Variants in BSND observed in about 807,000 individuals in gnomAD.
BSND encodes the protein barttin CLCNK type accessory subunit beta.
In BSND, 13 loss-of-function variants were observed where a neutral mutation model predicts 18.8. The observed-to-expected ratio is 0.69, with a 90% CI of 0.45 to 1.10. The LOEUF (loss-of-function observed/expected upper bound fraction) is 1.10, where lower values mean the gene tolerates loss of function less well. Among genes scored for constraint, BSND ranks in the 50% least tolerant of loss-of-function variants. The pLI is 0.00. For synonymous variants in BSND, 170 were observed against 161.8 expected (o/e 1.05, Z -0.39); for missense variants, 379 against 416.7 (o/e 0.91, Z 0.79).
rs1644436616 is a variant in BSND at position 55,014,100 on chromosome 1, G to A, written c.*5472G>A. ...TGTGTGAGTACCAGTCTCCCCACAT[G>A]GACTGGGAGGTCCTTCAAGGACAGG... is the stretch of plus-strand genomic sequence containing the variant. On this transcript the variant is annotated 3_prime_UTR_variant, in exon 4 of 4. Transcript: ENST00000651561. Among the ~76,000 whole-genome samples, 1 of 152,230 alleles carries A rather than the reference G, an allele frequency of 6.6e-6. No homozygotes were observed. Among genetic ancestry groups the A allele is most frequent in the Non-Finnish European group, 1.5e-5 (1 of 68,046 alleles).
At chr1:55,008,175 T>C (rs977790666) in intron 3 of BSND, 39 bp from the exon 4 acceptor site, 17 of 1,586,082 alleles carry the variant, frequency 1.1e-5, no homozygotes, top group Non-Finnish European at 1.5e-5. Context: ...GCATTCTGAC[T>C]CAGAGATACC....
intron 2 of BSND, among the ~76,000 whole-genome samples, chr1:55,005,856 C>T (rs939494424): frequency 6.6e-6 from 1 of 152,018 alleles, no homozygotes; most frequent in Non-Finnish European, 1.5e-5. Context: ...TGATGGAAGC[C>T]GGGCCTGCAC....
In BSND at chr1:55,006,928, G is replaced by A. The variant is rs1003931751; in HGVS notation, c.273-69G>A. ...GGAGACCACATACCCAAAGCAAACA[G>A]GGCCGGGGAGAACACTGGTGTTTGC... On this transcript the variant is annotated intron_variant, in intron 2 of 3. Transcript: ENST00000651561. The A allele has an allele frequency of 1.2e-4, 190 of 1,609,204 alleles. 1 individual carries two copies. The highest frequency in any genetic ancestry group is 1.4e-4 in the Non-Finnish European group (168 of 1,177,994).
intron 2 of BSND, among the ~76,000 whole-genome samples, chr1:55,005,452 C>T (rs1644384561): frequency 6.6e-6 from 1 of 152,218 alleles, no homozygotes; most frequent in Non-Finnish European, 1.5e-5. Context: ...AGTGCTTCTA[C>T]TACTGACAAA....
rs1395632797 is a variant in BSND at position 55,008,271 on chromosome 1, C to T, written c.606C>T (p.Asp202=). ...TGGCTTCCTTCCAAGATGACCTGGA[C>T]ATGGACTCCAGTGAAGGCAGCAGCC... The part of the protein sequence containing the change: ...APLASFQDDL[D]MDSSEGSSPN... Residue 202 remains aspartate, a synonymous_variant, in exon 4 of 4, where the codon GAC becomes GAT. Transcript: ENST00000651561. 2.5e-6 allele frequency: 4 copies of T among 1,614,098 alleles called. No homozygotes were observed. In the Admixed American group the frequency reaches 6.7e-5, roughly 27 times the overall value.
rs770790043 is a variant in BSND at position 55,010,572 on chromosome 1, C to G, written c.*1944C>G. 2 of 152,302 alleles carry G rather than the reference C, an allele frequency of 1.3e-5. No homozygotes were observed. The highest frequency in any genetic ancestry group is 4.8e-5 in the African/African-American group (2 of 41,450). 9.4% of individuals were successfully genotyped at this position (152,302 alleles called of 1,614,324 possible). A position where few individuals can be genotyped will look rare whatever the true frequency, so the allele number is the denominator to read the frequency against. On this transcript the variant is annotated 3_prime_UTR_variant, in exon 4 of 4. Transcript: ENST00000651561. ...GGTTCCCGGCCTAGGGAAGGGCTTC[C>G]GGGTTGAGGCCGGGGGTCCTGGCCT...
Position 55,012,754 on chromosome 1 carries a change from G to C in BSND, c.*4126G>C, listed in dbSNP as rs975303592. On this transcript the variant is annotated 3_prime_UTR_variant, in exon 4 of 4. Transcript: ENST00000651561. ...GTGTGCCCAGTGCTGAGAGGCAGGT[G>C]AGCCAACAGCAAGTGCAGGGACTAA... is the stretch of plus-strand genomic sequence containing the variant. 6.6e-6 allele frequency among the ~76,000 whole-genome samples: 1 copy of C among 152,196 alleles called. No individual in the cohort carries two copies. Among genetic ancestry groups the C allele is most frequent in the Non-Finnish European group, 1.5e-5 (1 of 68,036 alleles).
Position 55,014,390 on chromosome 1 carries a change from G to A in BSND, c.*5762G>A, listed in dbSNP as rs1269131436. On this transcript the variant is annotated 3_prime_UTR_variant, in exon 4 of 4. Transcript: ENST00000651561. ...CCCTCAATTTCCTTATTAATAAATTGAGGTTAGTGATATCGACCCAATAGG... is the reference window on the plus strand; with the variant it reads ...CCCTCAATTTCCTTATTAATAAATTAAGGTTAGTGATATCGACCCAATAGG... Among the ~76,000 whole-genome samples the A allele has an allele frequency of 7.2e-5, 11 of 152,238 alleles. No individual in the cohort carries two copies. The highest frequency in any genetic ancestry group is 5.2e-4 in the Admixed American group (8 of 15,284).
At position 55,008,561 on chromosome 1, in the gene BSND, T is replaced by G. The variant is rs1444393835; in HGVS notation, c.896T>G (p.Leu299Arg). 1 of 1,614,142 alleles carries G rather than the reference T, an allele frequency of 6.2e-7. No homozygotes were observed. The highest frequency in any genetic ancestry group is 8.5e-7 in the Non-Finnish European group (1 of 1,180,016). ...GAAGAGGAAGACCTGTACTATGGGC[T>G]GCCAGATGGAGCCGGGGACCTCCTC... The part of the protein sequence containing the change: ...EKEEEDLYYG[L>R]PDGAGDLLPD... Residue 299 changes from leucine to arginine, a missense_variant, in exon 4 of 4, where the codon CTG (leucine) becomes CGG (arginine). Transcript: ENST00000651561.
rs780913295 is a variant in BSND, at chr1:54,999,395, T to C, written c.177+32T>C. 1.9e-6 allele frequency: 3 copies of C among 1,590,536 alleles called. No homozygotes were observed. In the South Asian group the frequency reaches 3.4e-5, roughly 18 times the overall value. ...GGTAGTGGGGCTGGGTGGGGCCAGG[T>C]CAGCTGGGGCCAGGAGGGCTGGACA... On this transcript the variant is annotated intron_variant, in intron 1 of 3. Transcript: ENST00000651561.
intron 3 of BSND, among the ~76,000 whole-genome samples, chr1:55,007,738 C>T (rs560186262): frequency 4.8e-4 from 70 of 144,504 alleles, no homozygotes; most frequent in African/African-American, 1.8e-3. Flanking sequence ...ACTCCCATCC[C>T]TGTCTGTTTG....
chr1:55,009,142 T>C lies in BSND; in HGVS notation c.*514T>C. Reference sequence around the variant, plus strand: ...CTTCTGTGACTGACCCCTGCTGACCTCATTCTCTCTGCTCCTCCAGTTCCA... The same window carrying C: ...CTTCTGTGACTGACCCCTGCTGACCCCATTCTCTCTGCTCCTCCAGTTCCA... On this transcript the variant is annotated 3_prime_UTR_variant, in exon 4 of 4. Coordinates refer to ENST00000651561, the MANE Select transcript of BSND (RefSeq NM_057176.3). 5.4e-6 allele frequency: 1 copy of C among 184,600 alleles called. No individual in the cohort carries two copies. The allele number at this position is 184,600 out of a possible 1,614,324, so 11.4% of individuals were successfully genotyped here.
At position 54,999,279 on chromosome 1, in the gene BSND, C is replaced by G; in HGVS notation, c.93C>G (p.Pro31=). 6.2e-7 allele frequency: 1 copy of G among 1,614,116 alleles called. No individual in the cohort carries two copies. Among genetic ancestry groups the G allele is most frequent in the Non-Finnish European group, 8.5e-7 (1 of 1,180,026 alleles). The change falls in exon 1 of 4, where the codon CCC becomes CCG. Residue 31 remains proline, a synonymous_variant. Transcript: ENST00000651561. ...CGTTCCTCATGAGCCATGATCGGCC[C>G]CAGGTCTACGGCACCTTCTATGCCA... ...LGTFLMSHDR[P]QVYGTFYAMG...
chr1:55,003,500 C>T (rs570777958), intron 1 of BSND, among the ~76,000 whole-genome samples: 5 of 152,302 alleles, frequency 3.3e-5, no homozygotes, highest in African/African-American at 7.2e-5. Context: ...CATAGGAGTA[C>T]AAAGGCCCCC....
intron 1 of BSND, among the ~76,000 whole-genome samples, chr1:55,003,888 A>T (rs1644375639): frequency 6.6e-6 from 1 of 152,242 alleles, no homozygotes; most frequent in Admixed American, 6.5e-5. Flanking sequence ...TTAGTGTCTT[A>T]AACATATTTA....
At position 55,014,668 on chromosome 1, in the gene BSND, G is replaced by A. The variant is rs1246636357; in HGVS notation, c.*6040G>A. Among the ~76,000 whole-genome samples the A allele has an allele frequency of 6.6e-6, 1 of 152,186 alleles. No individual in the cohort carries two copies. Among genetic ancestry groups the A allele is most frequent in the Non-Finnish European group, 1.5e-5 (1 of 68,042 alleles). ...GCCTGTCAATGGACCCAGCTGGGCT[G>A]GTGGCATCAGACTCTCCTGGGAAAC... On this transcript the variant is annotated 3_prime_UTR_variant, in exon 4 of 4. Transcript: ENST00000651561.
chr1:55,008,894 A>G lies in BSND; in HGVS notation c.*266A>G. The G allele has an allele frequency of 3.7e-6, 2 of 541,746 alleles. No individual in the cohort carries two copies. The highest frequency in any genetic ancestry group is 3.3e-6 in the Non-Finnish European group (1 of 304,110). 33.6% of individuals were successfully genotyped at this position (541,746 alleles called of 1,614,324 possible). ...TGCAGCAGCTGAAGCCCTCAAAAGC[A>G]TTTTCCACCTTCCCCCAAAGCTGAC... On this transcript the variant is annotated 3_prime_UTR_variant, in exon 4 of 4. Transcript: ENST00000651561.
intron 1 of BSND, among the ~76,000 whole-genome samples, chr1:55,003,560 G>A (rs1026393894): frequency 5.9e-5 from 9 of 152,180 alleles, no homozygotes; most frequent in Admixed American, 1.3e-4. Flanking sequence ...TCCTAGTGCA[G>A]ACAAGTGTCT....
rs1433735708 is a variant in BSND, at chr1:55,008,513, C to T, written c.848C>T (p.Thr283Ile). 1 of 1,614,206 alleles carries T rather than the reference C, an allele frequency of 6.2e-7. No individual in the cohort carries two copies. Among genetic ancestry groups the T allele is most frequent in the South Asian group, 1.1e-5 (1 of 91,086 alleles). ...GTGGAGGAGAAGGAGGCTTCGGACACAGGTGGGGAGGAACCTGAGAAGGAA... is the reference window on the plus strand; with the variant it reads ...GTGGAGGAGAAGGAGGCTTCGGACATAGGTGGGGAGGAACCTGAGAAGGAA... ...TKVEEKEASD[T>I]GGEEPEKEEE... Residue 283 changes from threonine to isoleucine, a missense_variant, in exon 4 of 4, where the codon ACA becomes ATA. Transcript: ENST00000651561.
Sources: gnomAD v4.1 joint callset for allele counts (sites outside exome capture counted in the v4.1 genomes callset) on GRCh38, gnomAD v4.1.1 for gene constraint, MANE v1.5 for transcripts, NCBI Gene and HGNC (gene_info 2026-07-23, HGNC 2026-07-21) for gene names.